The following SLC23A1 variants were observed in gnomAD, a reference collection of about 807,000 sequenced individuals.
SLC23A1 encodes the protein solute carrier family 23 member 1.
A neutral mutation model predicts 62.5 loss-of-function variants in SLC23A1; 31 were observed. The ratio of observed to expected loss-of-function variants is 0.50; its 90% confidence interval spans 0.37 to 0.67. The LOEUF (loss-of-function observed/expected upper bound fraction) is 0.67. Among genes scored for constraint, SLC23A1 ranks in the 30% least tolerant of loss-of-function variants. The pLI is 0.00. For synonymous variants in SLC23A1, 271 were observed against 313.2 expected (o/e 0.87, Z 1.42); for missense variants, 640 against 782.7 (o/e 0.82, Z 2.18).
chr5:139,368,902 A>G (rs1757475122), intron 14 of SLC23A1: 1 of 808,078 alleles, frequency 1.2e-6, no homozygotes, highest in Non-Finnish European at 2.0e-6. Flanking sequence ...TGTTACACTT[A>G]TGCATTGCCA....
rs1758133059 is a variant in SLC23A1, at chr5:139,379,622, T to C, written c.925+56A>G. On this transcript the variant is annotated intron_variant, in intron 8 of 14. Transcript: ENST00000348729. The surrounding 1 kb of genome is among the most constrained non-coding windows in gnomAD (Gnocchi z 4.7). ...CCTGCTGGATTGGGGTCACCAGGAG[T>C]CTGTCTCATAGGTGGTCTCAGTTGG... The C allele has an allele frequency of 2.0e-6, 3 of 1,511,218 alleles. No individual in the cohort carries two copies. The highest frequency in any genetic ancestry group is 2.7e-6 in the Non-Finnish European group (3 of 1,103,692). The allele number at this position is 1,511,218 out of a possible 1,614,324, so 93.6% of individuals were successfully genotyped here. A position where few individuals can be genotyped will look rare whatever the true frequency, so the allele number is the denominator to read the frequency against.
chr5:139,372,192 C>T lies in SLC23A1; in HGVS notation c.1611G>A (p.Met537Ile). Residue 537 changes from methionine to isoleucine, a missense_variant, in exon 14 of 15, where the codon ATG (methionine) becomes ATA (isoleucine). Met to Ile is a conservative substitution (Grantham distance 10). Transcript: ENST00000348729. ...WKAGAHANSD[M>I]SSSLKSYDFP... The stretch of plus-strand genomic sequence containing the variant: ...AATCGTAGCTCTTGAGGCTGGAAGA[C>T]ATGTCACTGTTGGCATGAGCCCCAG... 6.2e-7 allele frequency: 1 copy of T among 1,613,456 alleles called. No homozygotes were observed. The highest frequency in any genetic ancestry group is 8.5e-7 in the Non-Finnish European group (1 of 1,179,350).
chr5:139,384,089 A>C (rs1758414951), upstream of SLC23A1, among the ~76,000 whole-genome samples: 1 of 152,260 alleles, frequency 6.6e-6, no homozygotes, highest in South Asian at 2.1e-4. Context: ...TAAAGATAGC[A>C]GGAGCATTAG....
At chr5:139,372,975 G>A (rs964329008) in intron 13 of SLC23A1, among the ~76,000 whole-genome samples, 1 of 152,064 alleles carries the variant, frequency 6.6e-6, no homozygotes, top group Non-Finnish European at 1.5e-5. Context: ...TAGGCCCATG[G>A]GGACCAAATC....
In SLC23A1 at chr5:139,378,467, G is replaced by A. The variant is rs1581368009; in HGVS notation, c.1179+112C>T. On this transcript the variant is annotated intron_variant, in intron 10 of 14. Transcript: ENST00000348729. The surrounding 1 kb of genome is among the most constrained non-coding windows in gnomAD (Gnocchi z 4.5). The stretch of plus-strand genomic sequence containing the variant: ...TAAACCGGCTGGGGCTTGATGCGGG[G>A]GCGAGGCCTCTCAAAGACAGGGTGG... 2 of 1,448,822 alleles carry A rather than the reference G, an allele frequency of 1.4e-6. No homozygotes were observed. Among genetic ancestry groups the A allele is most frequent in the Non-Finnish European group, 1.9e-6 (2 of 1,061,500 alleles). 89.7% of individuals were successfully genotyped at this position (1,448,822 alleles called of 1,614,324 possible).
chr5:139,383,476 G>T, upstream of SLC23A1: 1 of 721,610 alleles, frequency 1.4e-6, no homozygotes, highest in Non-Finnish European at 1.7e-6. Context: ...GCCCTTCCCT[G>T]CCCACATCTG....
At chr5:139,376,606 T>C (rs1254958080) in intron 13 of SLC23A1, among the ~76,000 whole-genome samples, 1 of 152,248 alleles carries the variant, frequency 6.6e-6, no homozygotes, top group East Asian at 1.9e-4. Context: ...ATTTATTTTA[T>C]ATATTTACTG....
At chr5:139,385,420 A>C (rs1346387228), upstream of SLC23A1, among the ~76,000 whole-genome samples, 1 of 152,158 alleles carries the variant, frequency 6.6e-6, no homozygotes, top group Non-Finnish European at 1.5e-5. Context: ...GGGCCCATCC[A>C]TACCAGCTGG....
chr5:139,377,167 A>G (rs986432802), intron 13 of SLC23A1, among the ~76,000 whole-genome samples: 1 of 151,624 alleles, frequency 6.6e-6, no homozygotes, highest in Non-Finnish European at 1.5e-5. Context: ...GAAAGGATTC[A>G]CAGGACCCAG....
Position 139,379,300 on chromosome 5 carries a change from G to C in SLC23A1, c.980C>G (p.Ala327Gly). The C allele has an allele frequency of 6.2e-7, 1 of 1,614,176 alleles. No homozygotes were observed. The highest frequency in any genetic ancestry group is 8.5e-7 in the Non-Finnish European group (1 of 1,180,000). The change falls in exon 9 of 15, where the codon GCC becomes GGC. Residue 327 changes from alanine (A) to glycine (G), a missense_variant. By Grantham distance (60) the Ala-to-Gly change is moderately conservative. Coordinates refer to ENST00000348729, the MANE Select transcript of SLC23A1 (RefSeq NM_005847.5). The surrounding 1 kb of genome is among the most constrained non-coding windows in gnomAD (Gnocchi z 4.7). ...TAAAVLGMFS[A>G]TLAGIIESIG... ...GGACTCAATGATGCCTGCCAGAGTG[G>C]CGCTGAACATTCCCAGGACAGCAGC... is the stretch of plus-strand genomic sequence containing the variant.
chr5:139,382,151 CGG>C (rs1758304051), intron 2 of SLC23A1, 102 bp from the exon 3 acceptor site: 2 of 1,222,434 alleles, frequency 1.6e-6, no homozygotes, highest in South Asian at 2.9e-5. Flanking sequence ...GGCCTGGAAC[CGG>C]CTGCCTGCCC....
At chr5:139,373,384 G>T (rs893753408) in intron 13 of SLC23A1, among the ~76,000 whole-genome samples, 1 of 152,080 alleles carries the variant, frequency 6.6e-6, no homozygotes, top group Non-Finnish European at 1.5e-5. Flanking sequence ...CACCATGTTG[G>T]CCAGGCACTG....
rs189960909 is a variant in SLC23A1, at chr5:139,370,605, T to C, written c.*19+1382A>G. Among the ~76,000 whole-genome samples the C allele has an allele frequency of 3.5e-4, 53 of 151,972 alleles. 1 individual carries two copies. The highest frequency in any genetic ancestry group is 6.3e-4 in the Non-Finnish European group (43 of 67,960). On this transcript the variant is annotated intron_variant, in intron 14 of 14. Transcript: ENST00000348729. Reference sequence around the variant, plus strand: ...GCCTCCTGGGCTCAAGTGATTCTCCTGTCTCAGCCTCAAGTAGCTGGGATT... The same window carrying C: ...GCCTCCTGGGCTCAAGTGATTCTCCCGTCTCAGCCTCAAGTAGCTGGGATT...
Position 139,381,971 on chromosome 5 carries a change from G to T in SLC23A1, c.229C>A (p.His77Asn). 1.3e-6 allele frequency: 2 copies of T among 1,598,366 alleles called. No individual in the cohort carries two copies. The highest frequency in any genetic ancestry group is 1.7e-6 in the Non-Finnish European group (2 of 1,172,882). ...AEALCVGHDQ[H>N]MVSQLIGTIF... ...GTGCCGATGAGCTGACTAACCATGTGCTGGTCGTGGCCCACACACAGCGCC... is the reference window on the plus strand; with the variant it reads ...GTGCCGATGAGCTGACTAACCATGTTCTGGTCGTGGCCCACACACAGCGCC... The change falls in exon 3 of 15, where the codon CAC becomes AAC. Residue 77 changes from histidine (H) to asparagine (N), a missense_variant. Physicochemically the swap from His to Asn is moderately conservative, Grantham distance 68. Transcript: ENST00000348729.
intron 14 of SLC23A1, among the ~76,000 whole-genome samples, chr5:139,370,326 A>G (rs1757576369): frequency 6.6e-6 from 1 of 152,096 alleles, no homozygotes; most frequent in Admixed American, 6.6e-5. Flanking sequence ...GTGTGCCACC[A>G]CACCTGGCTA....
Position 139,378,365 on chromosome 5 carries a change from A to G in SLC23A1, c.1180-14T>C. ...CCGGCTGCCCACCTGCCGGGGAGCC[A>G]GCGGGGAAGCTAGACCTGGGGACGA... On this transcript the variant is annotated splice_polypyrimidine_tract_variant and intron_variant, in intron 10 of 14. Coordinates refer to ENST00000348729, the MANE Select transcript of SLC23A1 (RefSeq NM_005847.5). The surrounding 1 kb of genome is among the most constrained non-coding windows in gnomAD (Gnocchi z 4.5). 1 of 1,554,608 alleles carries G rather than the reference A, an allele frequency of 6.4e-7. No homozygotes were observed. Among genetic ancestry groups the G allele is most frequent in the Non-Finnish European group, 8.7e-7 (1 of 1,149,682 alleles).
chr5:139,373,206 C>T (rs1311715172), intron 13 of SLC23A1, among the ~76,000 whole-genome samples: 4 of 151,772 alleles, frequency 2.6e-5, no homozygotes, highest in Non-Finnish European at 4.4e-5. Flanking sequence ...GAGACAGAGT[C>T]TTGCTCTGTT....
chr5:139,371,996 A>T lies in SLC23A1; in HGVS notation c.*10T>A, dbSNP rs529808301. ...CATAGACACATCCTACCTTTCCTGG[A>T]AGTCATTTTTCAGACCTTGGTGCAC... On this transcript the variant is annotated 3_prime_UTR_variant, in exon 14 of 15. Transcript: ENST00000348729. 1 of 1,611,938 alleles carries T rather than the reference A, an allele frequency of 6.2e-7. No homozygotes were observed. The highest frequency in any genetic ancestry group is 1.7e-5 in the Admixed American group (1 of 59,840).
chr5:139,379,734 G>C lies in SLC23A1; in HGVS notation c.869C>G (p.Thr290Ser). 6.2e-7 allele frequency: 1 copy of C among 1,614,106 alleles called. No individual in the cohort carries two copies. The highest frequency in any genetic ancestry group is 8.5e-7 in the Non-Finnish European group (1 of 1,180,000). ...AGCCATGATGTCACCACGGGCATCG[G>C]TTCGTGCCTGGAAGCCATAGGCTTT... ...DPKAYGFQAR[T>S]DARGDIMAIA... The change falls in exon 8 of 15, where the codon ACC becomes AGC. Residue 290 changes from threonine (T) to serine (S), a missense_variant. Physicochemically the swap from Thr to Ser is moderately conservative, Grantham distance 58 (BLOSUM62 1). Transcript: ENST00000348729. This position sits in a 1 kb window ranked among gnomAD's most constrained non-coding sequence, Gnocchi z 4.7.
Sources: allele counts gnomAD v4.1 joint callset (sites outside exome capture counted in the v4.1 genomes callset), GRCh38; gene constraint gnomAD v4.1.1; non-coding constraint Gnocchi (gnomAD v3.1); transcripts MANE v1.5; gene names NCBI Gene and HGNC (gene_info 2026-07-23, HGNC 2026-07-21).